PPT1: variants seen among roughly 807,000 people sequenced by gnomAD.
The protein encoded by PPT1 is palmitoyl-protein thioesterase 1.
PPT1 carries 24 observed loss-of-function variants against 44.0 expected under a neutral mutation model. The observed-to-expected ratio is 0.54, with a 90% CI of 0.39 to 0.77. The LOEUF is 0.77. Ranked by LOEUF, PPT1 falls within the 30% of genes least tolerant of loss-of-function variation. The pLI is 0.00. For synonymous variants in PPT1, 148 were observed against 140.2 expected, an observed-to-expected ratio of 1.06 and a Z score of -0.39; for missense variants, 341 against 378.8, an observed-to-expected ratio of 0.90 and a Z score of 0.83.
downstream of PPT1, chr1:40,072,051 C>G (rs1648139222): frequency 2.5e-6 from 1 of 403,464 alleles, no homozygotes; most frequent in African/African-American, 2.1e-5. Context: ...GGCCATCTAG[C>G]ATTCCATACA....
In PPT1 at chr1:40,078,809, T is replaced by C. The variant is rs1218063998; in HGVS notation, c.628-151A>G. On this transcript the variant is annotated intron_variant, in intron 6 of 8. Coordinates refer to ENST00000642050, the MANE Select transcript of PPT1 (RefSeq NM_000310.4). ...GTTTTCCAGCTTCCTGACCAGGATA[T>C]ACCTGTACAGCTTTTTTTTTTCTTT... The C allele has an allele frequency of 5.7e-6, 4 of 707,668 alleles. No homozygotes were observed. The Middle Eastern group carries it at 7.1e-4, about 126-fold the overall frequency. 43.8% of individuals were successfully genotyped at this position (707,668 alleles called of 1,614,324 possible).
intron 4 of PPT1, among the ~76,000 whole-genome samples, chr1:40,089,855 A>G (rs1236548604): frequency 7.5e-6 from 1 of 134,158 alleles, no homozygotes; most frequent in African/African-American, 2.9e-5. Context: ...CCCCTCCCCC[A>G]GTTATACTTC....
At chr1:40,094,013 C>T (rs1177392204) in intron 1 of PPT1, 6 of 705,122 alleles carry the variant, frequency 8.5e-6, no homozygotes, top group African/African-American at 3.6e-5. Flanking sequence ...GGCAACATAA[C>T]GAGACCCTGT....
chr1:40,093,611 G>A (rs1649685644), intron 1 of PPT1, among the ~76,000 whole-genome samples: 1 of 152,120 alleles, frequency 6.6e-6, no homozygotes. Context: ...CAGGAGCTGG[G>A]TGTCATGGCT....
At chr1:40,096,424 T>A (rs1331357280) in intron 1 of PPT1, among the ~76,000 whole-genome samples, 1 of 150,996 alleles carries the variant, frequency 6.6e-6, no homozygotes, top group Non-Finnish European at 1.5e-5. Context: ...AGCATCCTAA[T>A]CTGAAAATGG....
intron 8 of PPT1, among the ~76,000 whole-genome samples, chr1:40,074,557 TCTC>T (rs534088968): frequency 1.1e-4 from 16 of 151,894 alleles, no homozygotes; most frequent in African/African-American, 3.1e-4. Flanking sequence ...AACCTCCACT[TCTC>T]TGGCTCAAGC....
intron 6 of PPT1, among the ~76,000 whole-genome samples, chr1:40,079,525 TA>T (rs1191238294): frequency 6.6e-6 from 1 of 150,460 alleles, no homozygotes; most frequent in East Asian, 2.0e-4. Flanking sequence ...GCCTCCAGAG[TA>T]GCTGGGATTA....
At position 40,073,449 on chromosome 1, in the gene PPT1, C is replaced by G. The variant is rs1298401066; in HGVS notation, c.*612G>C. 3 of 152,836 alleles carry G rather than the reference C, an allele frequency of 2.0e-5. No homozygotes were observed. The highest frequency in any genetic ancestry group is 7.2e-5 in the African/African-American group (3 of 41,456). The allele number at this position is 152,836 out of a possible 1,614,324, so 9.5% of individuals were successfully genotyped here. A position where few individuals can be genotyped will look rare whatever the true frequency, so the allele number is the denominator to read the frequency against. Reference sequence around the variant, plus strand: ...CCTCCTTTTGTGACAGCAACTAATTCATCACTACCTGAGGAGACAAAGTGG... The same window carrying G: ...CCTCCTTTTGTGACAGCAACTAATTGATCACTACCTGAGGAGACAAAGTGG... On this transcript the variant is annotated 3_prime_UTR_variant, in exon 9 of 9. Transcript: ENST00000642050.
chr1:40,081,148 A>G (rs564639612), intron 5 of PPT1, among the ~76,000 whole-genome samples: 17 of 152,268 alleles, frequency 1.1e-4, no homozygotes, highest in African/African-American at 2.9e-4. Flanking sequence ...CACAATTCCC[A>G]TATGTCATGG....
chr1:40,072,073 T>C (rs1648144412), downstream of PPT1: 1 of 402,494 alleles, frequency 2.5e-6, no homozygotes. Flanking sequence ...AATTGTTTCC[T>C]ATAAGCATTC....
rs557560550 is a variant in PPT1 at position 40,078,668 on chromosome 1, A to G, written c.628-10T>C. The G allele has an allele frequency of 6.2e-7, 1 of 1,607,046 alleles. No homozygotes were observed. Among genetic ancestry groups the G allele is most frequent in the African/African-American group, 1.3e-5 (1 of 74,758 alleles). Reference sequence around the variant, plus strand: ...AGGACTCATTGATACCCTGAAAGAAAGGCCAGCAACACCTAAGGTCATTAC... The same window carrying G: ...AGGACTCATTGATACCCTGAAAGAAGGGCCAGCAACACCTAAGGTCATTAC... On this transcript the variant is annotated splice_polypyrimidine_tract_variant and intron_variant, in intron 6 of 8. Transcript: ENST00000642050.
chr1:40,079,441 G>C (rs1648812045), intron 6 of PPT1, among the ~76,000 whole-genome samples: 1 of 128,360 alleles, frequency 7.8e-6, no homozygotes, highest in African/African-American at 3.0e-5. Flanking sequence ...CTGTCACCGA[G>C]GCCAGAGTGC....
intron 5 of PPT1, among the ~76,000 whole-genome samples, chr1:40,088,439 C>T (rs762205830): frequency 1.3e-5 from 2 of 152,252 alleles, no homozygotes; most frequent in Admixed American, 6.5e-5. Flanking sequence ...GCCACCATGC[C>T]CGGCCCACAA....
chr1:40,081,493 C>T (rs1039014711), intron 5 of PPT1, among the ~76,000 whole-genome samples: 3 of 151,902 alleles, frequency 2.0e-5, no homozygotes, highest in Non-Finnish European at 4.4e-5. Flanking sequence ...GCCAAGATCA[C>T]GCCATTGCAC....
chr1:40,081,382 A>G (rs1349857786), intron 5 of PPT1, among the ~76,000 whole-genome samples: 1 of 151,972 alleles, frequency 6.6e-6, no homozygotes, highest in Non-Finnish European at 1.5e-5. Flanking sequence ...CTAAAAATAC[A>G]AAAATTAGCC....
chr1:40,089,649 C>A (rs3131651), intron 4 of PPT1, 137 bp from the exon 5 acceptor site: 1 of 718,814 alleles, frequency 1.4e-6, no homozygotes, highest in African/African-American at 1.7e-5. Flanking sequence ...GAAAATAAAG[C>A]GCAGAGAACT....
chr1:40,074,422 T>TCCCC (rs1258605858), intron 8 of PPT1, among the ~76,000 whole-genome samples: 63 of 108,008 alleles, frequency 5.8e-4, no homozygotes, highest in African/African-American at 2.0e-3. Context: ...CCTCCTCCTG[T>TCCCC]CCCCCCCGCT....
chr1:40,093,791 G>C (rs1649697900), intron 1 of PPT1: 2 of 481,896 alleles, frequency 4.2e-6, no homozygotes, highest in Non-Finnish European at 7.7e-6. Flanking sequence ...GGCTGAGGCA[G>C]GAGAATCGCT....
chr1:40,091,225 G>T, intron 4 of PPT1, 104 bp downstream of exon 4: 1 of 1,196,108 alleles, frequency 8.4e-7, no homozygotes, highest in Non-Finnish European at 1.2e-6. Context: ...GATTTTGCAA[G>T]AATGGCTGAT....
Sources: gnomAD v4.1 joint callset for allele counts (sites outside exome capture counted in the v4.1 genomes callset) on GRCh38, gnomAD v4.1.1 for gene constraint, MANE v1.5 for transcripts, NCBI Gene and HGNC (gene_info 2026-07-23, HGNC 2026-07-21) for gene names.